Variants in SLCO1A2 observed in about 807,000 individuals in gnomAD.
SLCO1A2 encodes the protein OATP-1.
In SLCO1A2, 67 loss-of-function variants were observed where a neutral mutation model predicts 69.0. That is an observed-to-expected ratio of 0.97 (90% CI 0.80 to 1.19). SLCO1A2 has a LOEUF of 1.19. Ranked by LOEUF, SLCO1A2 falls within the 50% of genes most tolerant of loss-of-function variation. The pLI is 0.00. For synonymous variants in SLCO1A2, 260 were observed against 265.9 expected (o/e 0.98, Z 0.22); for missense variants, 787 against 793.7 (o/e 0.99, Z 0.10).
intron 6 of SLCO1A2, among the ~76,000 whole-genome samples, chr12:21,303,351 A>G (rs1411205114): frequency 6.6e-6 from 1 of 152,166 alleles, no homozygotes; most frequent in African/African-American, 2.4e-5. Context: ...TTCTTTTAAT[A>G]TAAGTTTGTG....
chr12:21,272,260 A>ATGTT (rs1267924946), intron 14 of SLCO1A2, among the ~76,000 whole-genome samples: 5 of 151,868 alleles, frequency 3.3e-5, no homozygotes, highest in African/African-American at 1.2e-4. Context: ...CAGATTATAT[A>ATGTT]TGTTTATACA....
At chr12:21,343,848 G>T (rs1025897424) in intron 2 of SLCO1A2, among the ~76,000 whole-genome samples, 1 of 152,058 alleles carries the variant, frequency 6.6e-6, no homozygotes, top group African/African-American at 2.4e-5. Flanking sequence ...GGGCAGAGCA[G>T]AACAAAATTT....
intron 2 of SLCO1A2, among the ~76,000 whole-genome samples, chr12:21,365,343 T>A (rs1292585069): frequency 1.3e-5 from 2 of 152,196 alleles, no homozygotes; most frequent in South Asian, 4.1e-4. Context: ...TGGCTAGCCA[T>A]ATGTAGAAAG....
At chr12:21,299,675 CTTAGT>C (rs1248062510) in intron 8 of SLCO1A2, among the ~76,000 whole-genome samples, 21 of 148,532 alleles carry the variant, frequency 1.4e-4, no homozygotes, top group Admixed American at 4.7e-4. Flanking sequence ...TACTTTTGTT[CTTAGT>C]TTAAATTTGC....
chr12:21,364,943 A>C (rs1939250327), intron 2 of SLCO1A2, among the ~76,000 whole-genome samples: 1 of 152,240 alleles, frequency 6.6e-6, no homozygotes, highest in Non-Finnish European at 1.5e-5. Context: ...GATAGGAAGA[A>C]TCAATGTTGT....
chr12:21,273,277 C>G (rs1943197355), intron 14 of SLCO1A2, among the ~76,000 whole-genome samples: 1 of 150,926 alleles, frequency 6.6e-6, no homozygotes, highest in Non-Finnish European at 1.5e-5. Context: ...GGACAACAAG[C>G]TACCTGCCCT....
chr12:21,318,646 A>G (rs1951191658), intron 3 of SLCO1A2, 136 bp downstream of exon 3: 1 of 621,472 alleles, frequency 1.6e-6, no homozygotes, highest in Non-Finnish European at 2.7e-6. Context: ...AAGCTTAGCT[A>G]ATCAGTTAGT....
intron 12 of SLCO1A2, among the ~76,000 whole-genome samples, chr12:21,276,921 T>C (rs1036872057): frequency 1.2e-4 from 18 of 152,322 alleles, no homozygotes; most frequent in African/African-American, 3.6e-4. Flanking sequence ...CTCGCCACCA[T>C]GGGCAAACGT....
intron 2 of SLCO1A2, among the ~76,000 whole-genome samples, chr12:21,347,699 A>G (rs1953317580): frequency 1.5e-5 from 1 of 68,480 alleles, no homozygotes; most frequent in African/African-American, 3.7e-5. Context: ...GAAGGAAGGA[A>G]GAAGGAAAAA....
intron 2 of SLCO1A2, among the ~76,000 whole-genome samples, chr12:21,347,965 T>C (rs183735249): frequency 6.6e-6 from 1 of 152,334 alleles, no homozygotes; most frequent in East Asian, 1.9e-4. Context: ...CCCCTGTGAC[T>C]TCCAGCCAAA....
At chr12:21,402,136 CAA>C (rs1177696706) in intron 1 of SLCO1A2, among the ~76,000 whole-genome samples, 3 of 98,166 alleles carry the variant, frequency 3.1e-5, no homozygotes, top group Admixed American at 2.0e-4. Context: ...TTAAAAAAGA[CAA>C]AAAAAAAAAA....
chr12:21,401,663 T>G (rs1941710206), intron 1 of SLCO1A2, among the ~76,000 whole-genome samples: 3 of 151,828 alleles, frequency 2.0e-5, no homozygotes. Flanking sequence ...ACTTTTTTGT[T>G]TGACTTAAAA....
chr12:21,352,608 T>C lies in SLCO1A2; in HGVS notation c.-62-17899A>G, dbSNP rs141692478. Among the ~76,000 whole-genome samples the C allele has an allele frequency of 7.8e-3, 1,191 of 152,322 alleles. 14 individuals carry two copies. The highest frequency in any genetic ancestry group is 0.025 in the African/African-American group (1,058 of 41,568). Reference sequence around the variant, plus strand: ...TTTATTAATTAATACCTGTCATCTGTTGTTTATAGACAAAACTTTGTTGCT... The same window carrying C: ...TTTATTAATTAATACCTGTCATCTGCTGTTTATAGACAAAACTTTGTTGCT... On this transcript the variant is annotated intron_variant, in intron 2 of 15. Coordinates refer to the SLCO1A2 transcript ENST00000307378.
intron 12 of SLCO1A2, among the ~76,000 whole-genome samples, chr12:21,289,717 A>C (rs1372569486): frequency 6.6e-6 from 1 of 151,824 alleles, no homozygotes; most frequent in Non-Finnish European, 1.5e-5. Flanking sequence ...GGAGGCATCA[A>C]CCTTAATGCA....
chr12:21,270,782 A>C (rs1044215327), intron 14 of SLCO1A2, among the ~76,000 whole-genome samples: 70 of 151,574 alleles, frequency 4.6e-4, no homozygotes, highest in Admixed American at 4.3e-3. Flanking sequence ...TAAAATCCCT[A>C]TGTAAGTGTT....
At position 21,267,150 on chromosome 12, in the gene SLCO1A2, A is replaced by T. The variant is rs1942154002; in HGVS notation, c.*2398T>A. ...AGCACTCCAACACCCACTTTCTCTG[A>T]CCTGCTTTCTCCCACCAAGAAGTGT... is the stretch of plus-strand genomic sequence containing the variant. On this transcript the variant is annotated 3_prime_UTR_variant, in exon 15 of 15. Coordinates refer to ENST00000683939, the MANE Select transcript of SLCO1A2 (RefSeq NM_001386879.1). The T allele has an allele frequency of 6.6e-6, 1 of 152,104 alleles. No individual in the cohort carries two copies. The highest frequency in any genetic ancestry group is 2.4e-5 in the African/African-American group (1 of 41,406). The allele number at this position is 152,104 out of a possible 1,614,324, so 9.4% of individuals were successfully genotyped here. A position where few individuals can be genotyped will look rare whatever the true frequency, so the allele number is the denominator to read the frequency against.
At chr12:21,346,116 T>C (rs2136995973) in intron 2 of SLCO1A2, among the ~76,000 whole-genome samples, 1 of 152,130 alleles carries the variant, frequency 6.6e-6, no homozygotes, top group East Asian at 1.9e-4. Context: ...ATATTCATGC[T>C]GAATATGTTC....
intron 1 of SLCO1A2, chr12:21,378,554 C>A: frequency 1.3e-6 from 1 of 753,612 alleles, no homozygotes; most frequent in Non-Finnish European, 2.3e-6. Context: ...AGGACATATA[C>A]CTTCTCAAAA....
chr12:21,359,912 C>A (rs1039462689), intron 2 of SLCO1A2, among the ~76,000 whole-genome samples: 5 of 152,022 alleles, frequency 3.3e-5, no homozygotes, highest in Admixed American at 3.3e-4. Context: ...AACAAAATGG[C>A]TAAACATTTT....
Sources: allele counts gnomAD v4.1 joint callset (sites outside exome capture counted in the v4.1 genomes callset), GRCh38; gene constraint gnomAD v4.1.1; transcripts MANE v1.5; gene names NCBI Gene and HGNC (gene_info 2026-07-23, HGNC 2026-07-21).